Variants in B3GLCT observed in about 807,000 individuals in gnomAD.
B3GLCT encodes the protein beta 3-glucosyltransferase, also known as beta-1,3-glucosyltransferase.
In B3GLCT, 65 loss-of-function variants were observed where a neutral mutation model predicts 63.4. That is an observed-to-expected ratio of 1.03 (90% CI 0.84 to 1.26). The LOEUF is 1.26. B3GLCT is among the 50% of genes most tolerant of loss of function. B3GLCT has a pLI of 0.00. For missense variants in B3GLCT, 577 were observed against 604.8 expected (o/e 0.95, Z 0.48); for synonymous variants, 233 against 219.2 (o/e 1.06, Z -0.55).
At chr13:31,223,014 T>A (rs768120110) in intron 3 of B3GLCT, 23 bp downstream of exon 3, 2 of 1,402,016 alleles carry the variant, frequency 1.4e-6, no homozygotes, top group Admixed American at 1.7e-5. Context: ...TTTTTTTACC[T>A]AAGAGTGTGT....
rs35163232 is a variant in B3GLCT at position 31,297,375 on chromosome 13, GTTTT to G, written c.1064+10572_1064+10575del. 3.7e-3 allele frequency among the ~76,000 whole-genome samples: 479 copies of G among 127,774 alleles called. 1 individual carries two copies. Among genetic ancestry groups the G allele is most frequent in the East Asian group, 0.01 (45 of 4,366 alleles). The allele number at this position is 127,774 out of a possible 152,430, so 83.8% of individuals were successfully genotyped here. On this transcript the variant is annotated intron_variant, in intron 12 of 14. Transcript: ENST00000343307. ...CCTTGTCAACCCCATTATTTTCTGG[GTTTT>G]TTTTTTTTTTTTTTTGATAGTCGCT...
chr13:31,310,661 GC>G (rs1231167342), intron 12 of B3GLCT, among the ~76,000 whole-genome samples: 2 of 152,178 alleles, frequency 1.3e-5, no homozygotes, highest in Admixed American at 6.5e-5. Flanking sequence ...GCTGGGACAT[GC>G]CCCCATTCAC....
chr13:31,201,974 C>T (rs1868693816), intron 1 of B3GLCT, among the ~76,000 whole-genome samples: 1 of 152,144 alleles, frequency 6.6e-6, no homozygotes, highest in South Asian at 2.1e-4. Flanking sequence ...AGGCTGTATT[C>T]TTCGAGGTCT....
At chr13:31,257,162 TAAC>T (rs1259852293) in intron 6 of B3GLCT, among the ~76,000 whole-genome samples, 2 of 152,146 alleles carry the variant, frequency 1.3e-5, no homozygotes, top group African/African-American at 4.8e-5. Context: ...AGATAAAACA[TAAC>T]AACATGTTTT....
chr13:31,200,678 G>C (rs1295027583), intron 1 of B3GLCT, among the ~76,000 whole-genome samples: 2 of 151,946 alleles, frequency 1.3e-5, no homozygotes, highest in South Asian at 2.1e-4. Flanking sequence ...CGACCCCCGG[G>C]GGCGAGGACT....
chr13:31,246,308 G>A (rs973486430), intron 4 of B3GLCT, among the ~76,000 whole-genome samples: 2 of 152,152 alleles, frequency 1.3e-5, no homozygotes, highest in African/African-American at 4.8e-5. Flanking sequence ...TTGCTTCAAA[G>A]CTAACACTCG....
At chr13:31,280,089 C>T (rs573689513) in intron 10 of B3GLCT, among the ~76,000 whole-genome samples, 49 of 152,154 alleles carry the variant, frequency 3.2e-4, no homozygotes, top group Admixed American at 1.4e-3. Flanking sequence ...GTGCAGTTAA[C>T]GCAATCATCA....
In B3GLCT at chr13:31,250,485, T is replaced by G. The variant is rs539644108; in HGVS notation, c.459+2519T>G. 7.2e-5 allele frequency among the ~76,000 whole-genome samples: 11 copies of G among 152,344 alleles called. No individual in the cohort carries two copies. In the South Asian group the frequency reaches 2.3e-3, roughly 32 times the overall value. On this transcript the variant is annotated intron_variant, in intron 6 of 14. Transcript: ENST00000343307. ...CCACCACACCTGGCCTAAATTTATTTTTAATAGAGATAAAACACAGGTGCT... is the reference window on the plus strand; with the variant it reads ...CCACCACACCTGGCCTAAATTTATTGTTAATAGAGATAAAACACAGGTGCT...
At chr13:31,204,444 G>T (rs1318488556) in intron 1 of B3GLCT, among the ~76,000 whole-genome samples, 1 of 152,158 alleles carries the variant, frequency 6.6e-6, no homozygotes, top group Non-Finnish European at 1.5e-5. Context: ...CTTCCTAGAG[G>T]ATGTGACGTT....
At chr13:31,250,252 C>T (rs1871367507) in intron 6 of B3GLCT, among the ~76,000 whole-genome samples, 1 of 152,196 alleles carries the variant, frequency 6.6e-6, no homozygotes, top group African/African-American at 2.4e-5. Flanking sequence ...TGGCTCACTG[C>T]AACCTCCACC....
intron 14 of B3GLCT, among the ~76,000 whole-genome samples, chr13:31,326,089 C>T (rs1414079764): frequency 2.0e-5 from 3 of 151,918 alleles, no homozygotes; most frequent in African/African-American, 4.8e-5. Flanking sequence ...GGAAATTTCC[C>T]GAAAAGTTTT....
intron 5 of B3GLCT, among the ~76,000 whole-genome samples, chr13:31,247,515 C>T (rs913417290): frequency 2.6e-5 from 4 of 152,250 alleles, no homozygotes; most frequent in South Asian, 2.1e-4. Context: ...CCTTGTGATC[C>T]GTCTGCCTTG....
At chr13:31,207,336 T>G (rs993885984) in intron 1 of B3GLCT, among the ~76,000 whole-genome samples, 1 of 152,098 alleles carries the variant, frequency 6.6e-6, no homozygotes, top group Non-Finnish European at 1.5e-5. Context: ...TGATGTGTTC[T>G]GTAGTAGGCT....
intron 5 of B3GLCT, among the ~76,000 whole-genome samples, chr13:31,247,542 G>A (rs1264388432): frequency 1.3e-5 from 2 of 152,214 alleles, no homozygotes; most frequent in South Asian, 4.2e-4. Flanking sequence ...CAAAGTGCTG[G>A]GATAACAGGC....
chr13:31,240,756 A>G (rs1320687994), intron 4 of B3GLCT, among the ~76,000 whole-genome samples: 1 of 152,208 alleles, frequency 6.6e-6, no homozygotes, highest in Non-Finnish European at 1.5e-5. Flanking sequence ...ATAGTTTACT[A>G]AAAGTTAATT....
At chr13:31,244,236 A>G (rs1237273226) in intron 4 of B3GLCT, among the ~76,000 whole-genome samples, 1 of 152,210 alleles carries the variant, frequency 6.6e-6, no homozygotes, top group Admixed American at 6.5e-5. Flanking sequence ...TCATGCCTGT[A>G]ATCCCAGCAC....
intron 4 of B3GLCT, among the ~76,000 whole-genome samples, chr13:31,239,797 G>A (rs1473064612): frequency 2.0e-5 from 3 of 150,914 alleles, no homozygotes; most frequent in African/African-American, 7.3e-5. Flanking sequence ...TAAAACCATT[G>A]TTGTTCTCCA....
intron 2 of B3GLCT, among the ~76,000 whole-genome samples, chr13:31,221,231 A>C (rs1222348707): frequency 1.3e-5 from 2 of 152,162 alleles, no homozygotes; most frequent in African/African-American, 4.8e-5. Flanking sequence ...TTTTTCCAGG[A>C]GCCTCAGCTG....
At chr13:31,278,065 T>G (rs1872883781) in intron 10 of B3GLCT, among the ~76,000 whole-genome samples, 1 of 152,178 alleles carries the variant, frequency 6.6e-6, no homozygotes, top group Non-Finnish European at 1.5e-5. Flanking sequence ...CCGCTTTTTG[T>G]TTTGTTTCTT....
Sources: gnomAD v4.1 joint callset for allele counts (sites outside exome capture counted in the v4.1 genomes callset) on GRCh38, gnomAD v4.1.1 for gene constraint, MANE v1.5 for transcripts, NCBI Gene and HGNC (gene_info 2026-07-23, HGNC 2026-07-21) for gene names.